Variants in AFG2A observed in about 807,000 individuals in gnomAD.
AFG2A encodes AAA ATPase AFG2A, also known as ATPase family gene 2 protein homolog A.
the AFG2A span, among the ~76,000 whole-genome samples, chr4:122,931,154 G>T: frequency 6.6e-6 from 1 of 152,086 alleles, no homozygotes; most frequent in African/African-American, 2.4e-5. Flanking sequence ...GTTTTTACAT[G>T]TATTTGTAAA....
chr4:122,939,023 A>T, the AFG2A span, among the ~76,000 whole-genome samples: 13 of 138,140 alleles, frequency 9.4e-5, no homozygotes, highest in Middle Eastern at 3.4e-3. Flanking sequence ...TATAACATTT[A>T]AAAAAAAACT....
chr4:123,177,552 C>T, the AFG2A span, among the ~76,000 whole-genome samples: 27 of 152,148 alleles, frequency 1.8e-4, no homozygotes, highest in African/African-American at 5.1e-4. Context: ...CCTACCTCCA[C>T]TCTAGTCCTC....
At chr4:122,937,870 T>C in the AFG2A span, among the ~76,000 whole-genome samples, 1 of 152,178 alleles carries the variant, frequency 6.6e-6, no homozygotes, top group African/African-American at 2.4e-5. Flanking sequence ...TAAGAGACTC[T>C]TATCTTTTAA....
chr4:123,259,160 C>A, the AFG2A span, among the ~76,000 whole-genome samples: 19 of 152,166 alleles, frequency 1.2e-4, no homozygotes, highest in African/African-American at 4.6e-4. Context: ...AGCCTCTGTG[C>A]CCACCACTGG....
the AFG2A span, among the ~76,000 whole-genome samples, chr4:123,202,545 A>G: frequency 6.6e-6 from 1 of 152,182 alleles, no homozygotes; most frequent in Admixed American, 6.5e-5. Context: ...CAGCACCCCC[A>G]ATGGTGATAT....
chr4:123,136,858 GAA>G, the AFG2A span, among the ~76,000 whole-genome samples: 1 of 148,038 alleles, frequency 6.8e-6, no homozygotes, highest in Admixed American at 6.7e-5. Context: ...AAAAAAAAAA[GAA>G]AAAAAGAGAA....
At chr4:123,306,236 A>C in the AFG2A span, among the ~76,000 whole-genome samples, 1 of 152,172 alleles carries the variant, frequency 6.6e-6, no homozygotes, top group Non-Finnish European at 1.5e-5. Context: ...CGTCCTAGGA[A>C]TTCATTTCAA....
At chr4:123,097,644 G>A in the AFG2A span, among the ~76,000 whole-genome samples, 1 of 152,100 alleles carries the variant, frequency 6.6e-6, no homozygotes, top group Non-Finnish European at 1.5e-5. Context: ...AACTCCAGGT[G>A]TTTTAACTTC....
At chr4:122,943,483 G>A in the AFG2A span, among the ~76,000 whole-genome samples, 2 of 151,970 alleles carry the variant, frequency 1.3e-5, no homozygotes, top group African/African-American at 2.4e-5. Context: ...TTTTCCATTT[G>A]CTTGGTAGAT....
chr4:123,208,041 C>T, the AFG2A span, among the ~76,000 whole-genome samples: 14 of 152,086 alleles, frequency 9.2e-5, no homozygotes, highest in Non-Finnish European at 1.8e-4. Flanking sequence ...TACAAAGTTA[C>T]CATATTCAAA....
chr4:123,118,260 A>G, the AFG2A span, among the ~76,000 whole-genome samples: 3 of 146,820 alleles, frequency 2.0e-5, no homozygotes, highest in African/African-American at 7.5e-5. Context: ...CAAACAAAAA[A>G]ATATGCAAAT....
chr4:123,067,287 G>A, the AFG2A span, among the ~76,000 whole-genome samples: 2 of 152,202 alleles, frequency 1.3e-5, no homozygotes, highest in South Asian at 2.1e-4. Flanking sequence ...GGGAGGCTGA[G>A]GCGGGCGGAT....
chr4:123,177,841 A>T, the AFG2A span, among the ~76,000 whole-genome samples: 1,574 of 152,160 alleles, frequency 0.01, 27 homozygotes, highest in African/African-American at 0.036. Flanking sequence ...CGCATAGGGG[A>T]CTATGAAGAT....
At chr4:123,283,854 C>G in the AFG2A span, among the ~76,000 whole-genome samples, 2 of 152,202 alleles carry the variant, frequency 1.3e-5, no homozygotes, top group Middle Eastern at 3.4e-3. Flanking sequence ...TCCGCAAGAC[C>G]AAAACACTTG....
the AFG2A span, among the ~76,000 whole-genome samples, chr4:123,127,674 A>G: frequency 6.6e-6 from 1 of 152,120 alleles, no homozygotes; most frequent in Non-Finnish European, 1.5e-5. Flanking sequence ...CAGAAGCAGT[A>G]TTTCTGTTAA....
chr4:122,947,172 C>A, the AFG2A span: 1 of 1,458,958 alleles, frequency 6.9e-7, no homozygotes, highest in Non-Finnish European at 9.1e-7. Context: ...CAGTGTGTGC[C>A]TCTCACTTTT....
At chr4:123,246,596 A>G in the AFG2A span, among the ~76,000 whole-genome samples, 1 of 152,056 alleles carries the variant, frequency 6.6e-6, no homozygotes, top group Admixed American at 6.6e-5. Flanking sequence ...AAAATTTTTC[A>G]TGACATGTCA....
At chr4:123,267,824 A>G in the AFG2A span, among the ~76,000 whole-genome samples, 1 of 59,024 alleles carries the variant, frequency 1.7e-5, no homozygotes, top group South Asian at 3.4e-4. Flanking sequence ...TATTTCTGCT[A>G]CTAAGTAGTG....
chr4:123,221,442 C>T, the AFG2A span, among the ~76,000 whole-genome samples: 9 of 152,186 alleles, frequency 5.9e-5, no homozygotes, highest in South Asian at 2.1e-4. Context: ...GAACTACAGG[C>T]GTGAGCCACT....
Sources: gnomAD v4.1 joint callset for allele counts (sites outside exome capture counted in the v4.1 genomes callset) on GRCh38, gnomAD v4.1.1 for gene constraint, MANE v1.5 for transcripts, NCBI Gene and HGNC (gene_info 2026-07-23, HGNC 2026-07-21) for gene names.